MAP4K4: variants seen among roughly 807,000 people sequenced by gnomAD.
The protein encoded by MAP4K4 is HPK/GCK-like kinase HGK.
MAP4K4 carries 38 observed loss-of-function variants against 189.6 expected under a neutral mutation model. That is an observed-to-expected ratio of 0.20 (90% CI 0.15 to 0.26). MAP4K4 has a LOEUF of 0.26. Ranked by LOEUF, MAP4K4 falls within the 10% of genes least tolerant of loss-of-function variation. MAP4K4 has a pLI of 1.00. For missense variants in MAP4K4, 1,054 were observed against 1,726.9 expected (o/e 0.61, Z 6.91); for synonymous variants, 610 against 624.3 (o/e 0.98, Z 0.34).
intron 3 of MAP4K4, among the ~76,000 whole-genome samples, chr2:101,800,871 A>G (rs2148971603): frequency 6.6e-6 from 1 of 152,314 alleles, no homozygotes; most frequent in South Asian, 2.1e-4. Context: ...TGAAAGGATC[A>G]TCTTTGTAAT....
intron 9 of MAP4K4, among the ~76,000 whole-genome samples, chr2:101,836,793 C>T (rs978042570): frequency 6.6e-6 from 1 of 152,148 alleles, no homozygotes; most frequent in African/African-American, 2.4e-5. Flanking sequence ...TTGTAACTCT[C>T]ATACATTTGT....
intron 13 of MAP4K4, 136 bp downstream of exon 13, chr2:101,856,274 G>C (rs2097454108): frequency 1.3e-5 from 10 of 760,768 alleles, no homozygotes; most frequent in Non-Finnish European, 1.8e-5. Flanking sequence ...TAGAACTTCA[G>C]ATGTATGAAC....
intron 2 of MAP4K4, among the ~76,000 whole-genome samples, chr2:101,706,652 A>AT (rs2042469267): frequency 6.6e-6 from 1 of 152,046 alleles, no homozygotes; most frequent in African/African-American, 2.4e-5. Flanking sequence ...GTTGATTTCA[A>AT]TTTTTTCTCC....
chr2:101,821,784 TCTTA>T (rs1447535001), intron 3 of MAP4K4, among the ~76,000 whole-genome samples: 10 of 152,256 alleles, frequency 6.6e-5, no homozygotes, highest in African/African-American at 2.2e-4. Context: ...TTACTGTAAC[TCTTA>T]CTTTATAAAA....
chr2:101,874,624 T>C (rs1439517164), intron 26 of MAP4K4, among the ~76,000 whole-genome samples: 1 of 152,232 alleles, frequency 6.6e-6, no homozygotes, highest in Non-Finnish European at 1.5e-5. Flanking sequence ...CTGTTCTCAC[T>C]ATAAAATTCA....
intron 2 of MAP4K4, among the ~76,000 whole-genome samples, chr2:101,742,337 G>A (rs2063207376): frequency 6.6e-6 from 1 of 152,178 alleles, no homozygotes; most frequent in South Asian, 2.1e-4. Context: ...GTAACCTACG[G>A]TGTGTCTTTT....
chr2:101,883,266 A>G (rs2098431352), intron 28 of MAP4K4, among the ~76,000 whole-genome samples: 1 of 152,124 alleles, frequency 6.6e-6, no homozygotes, highest in South Asian at 2.1e-4. Flanking sequence ...TGGCAATTGT[A>G]TTGTTTTTTC....
intron 26 of MAP4K4, 83 bp downstream of exon 26, chr2:101,874,335 G>A (rs2098136159): frequency 7.8e-7 from 1 of 1,276,504 alleles, no homozygotes; most frequent in South Asian, 1.4e-5. Flanking sequence ...GCATTGAATA[G>A]TTTGTGGATA....
chr2:101,768,108 C>G (rs778504119), intron 2 of MAP4K4, among the ~76,000 whole-genome samples: 1 of 152,188 alleles, frequency 6.6e-6, no homozygotes, highest in African/African-American at 2.4e-5. Context: ...GTTACTTAAG[C>G]TGCCTCTCTA....
intron 2 of MAP4K4, among the ~76,000 whole-genome samples, chr2:101,743,972 A>G (rs1282141760): frequency 6.6e-6 from 1 of 152,140 alleles, no homozygotes; most frequent in Non-Finnish European, 1.5e-5. Context: ...TAATACTTTC[A>G]AGAAGAAAAA....
chr2:101,768,227 T>TA (rs1418303607), intron 2 of MAP4K4, among the ~76,000 whole-genome samples: 4 of 152,270 alleles, frequency 2.6e-5, no homozygotes, highest in African/African-American at 9.6e-5. Flanking sequence ...TTAAGGGGTA[T>TA]ACCATGCCCC....
intron 2 of MAP4K4, among the ~76,000 whole-genome samples, chr2:101,732,232 A>G (rs2058756863): frequency 1.3e-5 from 2 of 152,104 alleles, no homozygotes; most frequent in South Asian, 4.1e-4. Flanking sequence ...TTCCCTCATA[A>G]ACTTTCCAGA....
intron 2 of MAP4K4, among the ~76,000 whole-genome samples, chr2:101,756,935 G>T (rs988909894): frequency 9.9e-5 from 15 of 151,984 alleles, no homozygotes; most frequent in East Asian, 5.8e-4. Context: ...CTATGAAAAG[G>T]TTTCACCTGA....
chr2:101,722,067 G>T (rs1427518891), intron 2 of MAP4K4, among the ~76,000 whole-genome samples: 1 of 152,192 alleles, frequency 6.6e-6, no homozygotes, highest in Non-Finnish European at 1.5e-5. Context: ...TAGTAGGAGA[G>T]AGAAATCTGA....
At chr2:101,760,140 C>T (rs1285627892) in intron 2 of MAP4K4, among the ~76,000 whole-genome samples, 1 of 152,082 alleles carries the variant, frequency 6.6e-6, no homozygotes, top group Non-Finnish European at 1.5e-5. Flanking sequence ...GCCACTGTGT[C>T]AGCCAGCTTT....
intron 24 of MAP4K4, 40 bp downstream of exon 24, chr2:101,871,725 G>A: frequency 2.0e-6 from 3 of 1,518,312 alleles, no homozygotes; most frequent in Non-Finnish European, 2.6e-6. Context: ...CCTGGGGTTA[G>A]ACCAGCACTG....
intron 2 of MAP4K4, among the ~76,000 whole-genome samples, chr2:101,727,691 G>A (rs1270836175): frequency 2.6e-5 from 4 of 152,196 alleles, no homozygotes; most frequent in African/African-American, 7.2e-5. Flanking sequence ...GGTAATGGTC[G>A]GGCACAGTGG....
chr2:101,733,192 C>T lies in MAP4K4; in HGVS notation c.123+34654C>T, dbSNP rs2059192977. 2.6e-5 allele frequency among the ~76,000 whole-genome samples: 4 copies of T among 152,180 alleles called. No individual in the cohort carries two copies. The South Asian group carries it at 8.3e-4, about 31-fold the overall frequency. On this transcript the variant is annotated intron_variant, in intron 2 of 32. Coordinates refer to ENST00000324219, the Ensembl canonical transcript of MAP4K4. ...GTCTGAAGTAGAGCATGAAAGCAGCCGGCCCCAACCCTGCAGGGTACACCT... is the reference window on the plus strand; with the variant it reads ...GTCTGAAGTAGAGCATGAAAGCAGCTGGCCCCAACCCTGCAGGGTACACCT...
At chr2:101,784,942 G>A (rs2089897542) in intron 2 of MAP4K4, among the ~76,000 whole-genome samples, 1 of 152,126 alleles carries the variant, frequency 6.6e-6, no homozygotes, top group Non-Finnish European at 1.5e-5. Context: ...TACTTGCATT[G>A]TGTGGGGAGT....
Sources: allele counts gnomAD v4.1 joint callset (sites outside exome capture counted in the v4.1 genomes callset), GRCh38; gene constraint gnomAD v4.1.1; transcripts MANE v1.5; gene names NCBI Gene and HGNC (gene_info 2026-07-23, HGNC 2026-07-21).